Variants in DGKD observed in about 807,000 individuals in gnomAD.
DGKD encodes DAG kinase delta.
A neutral mutation model predicts 154.4 loss-of-function variants in DGKD; 68 were observed. That is an observed-to-expected ratio of 0.44 (90% CI 0.36 to 0.54). The LOEUF (loss-of-function observed/expected upper bound fraction) is 0.54, where lower values mean the gene tolerates loss of function less well. Among genes scored for constraint, DGKD ranks in the 20% least tolerant of loss-of-function variants. The probability of loss-of-function intolerance (pLI) is 0.00; values close to 1 mark genes in which losing one functional copy is unlikely to be tolerated. For synonymous variants in DGKD, 693 were observed against 638.0 expected, an observed-to-expected ratio of 1.09 and a Z score of -1.30; for missense variants, 1,343 against 1,593.6, an observed-to-expected ratio of 0.84 and a Z score of 2.68.
chr2:233,393,256 G>C (rs1230095715), intron 3 of DGKD, among the ~76,000 whole-genome samples: 2 of 151,222 alleles, frequency 1.3e-5, no homozygotes, highest in Non-Finnish European at 2.9e-5. Context: ...TCAAACTCCT[G>C]ACCTTGAGTG....
Position 233,388,274 on chromosome 2 carries a change from G to T in DGKD, c.174G>T (p.Gly58=). 6.2e-7 allele frequency: 1 copy of T among 1,613,786 alleles called. No homozygotes were observed. The highest frequency in any genetic ancestry group is 8.5e-7 in the Non-Finnish European group (1 of 1,179,924). ...ACTTTCAGACCATCATCAAAGAGGG[G>T]ATGCTGACCAAACAGAACAATTCAT... is the stretch of plus-strand genomic sequence containing the variant. ...QIRQKTIIKE[G]MLTKQNNSFQ... The change falls in exon 2 of 30, where the codon GGG becomes GGT. Residue 58 remains glycine (G), a synonymous_variant. Coordinates refer to ENST00000264057, the MANE Select transcript of DGKD (RefSeq NM_152879.3).
chr2:233,416,946 C>T lies in DGKD; in HGVS notation c.349-17434C>T, dbSNP rs1194067399. 4.6e-5 allele frequency among the ~76,000 whole-genome samples: 7 copies of T among 152,384 alleles called. No homozygotes were observed. In the South Asian group the frequency reaches 1.2e-3, roughly 27 times the overall value. ...CCTGGACATGAAGCTTCTGGTCTTA[C>T]TTCTCCCACCTTCCTGCTACGGTGT... is the stretch of plus-strand genomic sequence containing the variant. On this transcript the variant is annotated intron_variant, in intron 3 of 29. Transcript: ENST00000264057.
At chr2:233,389,229 T>C (rs1703412647) in intron 2 of DGKD, among the ~76,000 whole-genome samples, 3 of 152,246 alleles carry the variant, frequency 2.0e-5, no homozygotes, top group Non-Finnish European at 4.4e-5. Flanking sequence ...TTTTTAGGCT[T>C]TCTAGCAATT....
rs1703312386 is a variant in DGKD at position 233,388,174 on chromosome 2, G to T, written c.157-83G>T. On this transcript the variant is annotated intron_variant, in intron 1 of 29. Coordinates refer to ENST00000264057, the MANE Select transcript of DGKD (RefSeq NM_152879.3). ...CTGTTAGAGACACGAATATGTTTCAGCCGCAACAGGCTGCGTTTCAGCCGG... is the reference window on the plus strand; with the variant it reads ...CTGTTAGAGACACGAATATGTTTCATCCGCAACAGGCTGCGTTTCAGCCGG... 14 of 1,568,136 alleles carry T rather than the reference G, an allele frequency of 8.9e-6. No individual in the cohort carries two copies. The South Asian group carries it at 1.3e-4, about 15-fold the overall frequency.
intron 19 of DGKD, among the ~76,000 whole-genome samples, chr2:233,456,307 C>T (rs1374661743): frequency 6.6e-6 from 1 of 152,216 alleles, no homozygotes; most frequent in Non-Finnish European, 1.5e-5. Flanking sequence ...CTGAGGATGG[C>T]CACATCTGCA....
rs56301429 is a variant in DGKD at position 233,370,570 on chromosome 2, C to CTTTTTTT, written c.156+15909_156+15915dup. Among the ~76,000 whole-genome samples the CTTTTTTT allele has an allele frequency of 8.9e-4, 110 of 123,246 alleles. 1 individual carries two copies. The highest frequency in any genetic ancestry group is 2.3e-3 in the East Asian group (10 of 4,280). 80.9% of individuals were successfully genotyped at this position (123,246 alleles called of 152,430 possible). A position where few individuals can be genotyped will look rare whatever the true frequency, so the allele number is the denominator to read the frequency against. ...TACGTTGTACGTTTCAGAACTTCTT[C>CTTTTTTT]TTTTTTTTTTTTTTTTTTTGTTTGA... On this transcript the variant is annotated intron_variant, in intron 1 of 29. Coordinates refer to ENST00000264057, the MANE Select transcript of DGKD (RefSeq NM_152879.3).
chr2:233,435,793 G>C, intron 5 of DGKD, 25 bp from the exon 6 acceptor site: 1 of 1,603,660 alleles, frequency 6.2e-7, no homozygotes, highest in Non-Finnish European at 8.5e-7. Flanking sequence ...ACAGCTTGTA[G>C]GCTCATGTGC....
chr2:233,426,721 G>C (rs1023708318), intron 3 of DGKD, among the ~76,000 whole-genome samples: 7 of 152,174 alleles, frequency 4.6e-5, no homozygotes, highest in African/African-American at 1.2e-4. Context: ...CTTTGATGAG[G>C]AAGGTATGCG....
chr2:233,464,987 G>A (rs1267650434), intron 27 of DGKD, among the ~76,000 whole-genome samples: 2 of 152,256 alleles, frequency 1.3e-5, no homozygotes, highest in Non-Finnish European at 2.9e-5. Context: ...AGTGGGGTTT[G>A]TGAGACCTGT....
At chr2:233,433,419 C>T (rs1559541332) in intron 3 of DGKD, among the ~76,000 whole-genome samples, 1 of 150,992 alleles carries the variant, frequency 6.6e-6, no homozygotes, top group Non-Finnish European at 1.5e-5. Flanking sequence ...TGGAGATAGG[C>T]AGTAGATTGA....
chr2:233,410,268 G>A (rs370890956), intron 3 of DGKD, among the ~76,000 whole-genome samples: 1 of 152,122 alleles, frequency 6.6e-6, no homozygotes, highest in Non-Finnish European at 1.5e-5. Context: ...AAAGAGGGGG[G>A]GCTCAAGGGA....
At chr2:233,448,952 C>T in intron 14 of DGKD, 151 bp from the exon 15 acceptor site, 3 of 1,003,376 alleles carry the variant, frequency 3.0e-6, no homozygotes, top group East Asian at 2.5e-5. Context: ...AAGGGAGTAG[C>T]CTCTGGTCTT....
intron 1 of DGKD, among the ~76,000 whole-genome samples, chr2:233,361,680 G>C (rs1220315816): frequency 6.6e-6 from 1 of 152,240 alleles, no homozygotes; most frequent in African/African-American, 2.4e-5. Flanking sequence ...TGGCCAGATG[G>C]CTCACGCCTA....
intron 10 of DGKD, chr2:233,442,515 T>G (rs2062930913): frequency 3.6e-6 from 1 of 277,090 alleles, no homozygotes; most frequent in African/African-American, 2.2e-5. Flanking sequence ...AACATTTTGC[T>G]GTCTCTGACC....
chr2:233,379,015 T>C (rs951946475), intron 1 of DGKD, among the ~76,000 whole-genome samples: 2 of 152,206 alleles, frequency 1.3e-5, no homozygotes, highest in African/African-American at 2.4e-5. Flanking sequence ...TGGTTGGCAG[T>C]GTGAGAACCT....
rs930227958 is a variant in DGKD, at chr2:233,471,793, G to C, written c.*2333G>C. On this transcript the variant is annotated 3_prime_UTR_variant, in exon 30 of 30. Coordinates refer to ENST00000264057, the MANE Select transcript of DGKD (RefSeq NM_152879.3). ...CCCTTTGGTGCTGGGCTGGCGTCCC[G>C]CACTGGGGTGTCCTCGCTGTCTGGG... is the stretch of plus-strand genomic sequence containing the variant. 6.6e-6 allele frequency: 1 copy of C among 152,412 alleles called. No individual in the cohort carries two copies. Among genetic ancestry groups the C allele is most frequent in the African/African-American group, 2.4e-5 (1 of 41,456 alleles). The allele number at this position is 152,412 out of a possible 1,614,324, so 9.4% of individuals were successfully genotyped here. A position where few individuals can be genotyped will look rare whatever the true frequency, so the allele number is the denominator to read the frequency against.
chr2:233,460,416 C>A lies in DGKD; in HGVS notation c.2981+71C>A, dbSNP rs1030574330. ...CCCTGGGACTGCACTCTTCCAAGGC[C>A]CCTGGGGCGTGGAGCTGCTGCTCCT... On this transcript the variant is annotated intron_variant, in intron 24 of 29. Coordinates refer to ENST00000264057, the MANE Select transcript of DGKD (RefSeq NM_152879.3). 3.8e-5 allele frequency: 59 copies of A among 1,565,338 alleles called. 1 individual carries two copies. In the South Asian group the frequency reaches 6.9e-4, roughly 18 times the overall value.
At chr2:233,395,623 C>T (rs1165321451) in intron 3 of DGKD, among the ~76,000 whole-genome samples, 1 of 147,916 alleles carries the variant, frequency 6.8e-6, no homozygotes, top group East Asian at 2.0e-4. Context: ...CTCCCCTCCC[C>T]GCTTCTCTCT....
Position 233,438,517 on chromosome 2 carries a change from C to T in DGKD, c.1085+138C>T, listed in dbSNP as rs545985782. ...GTTGAACTGCTTCCTTCCCAAATTG[C>T]ACTTGCAGAGGTGCCCACTCTTAAT... On this transcript the variant is annotated intron_variant, in intron 9 of 29. Transcript: ENST00000264057. The surrounding 1 kb of genome is among the most constrained non-coding windows in gnomAD (Gnocchi z 4.1). The T allele has an allele frequency of 5.5e-4, 614 of 1,122,760 alleles. No individual in the cohort carries two copies. Among genetic ancestry groups the T allele is most frequent in the Non-Finnish European group, 7.2e-4 (577 of 805,772 alleles). The allele number at this position is 1,122,760 out of a possible 1,614,324, so 69.5% of individuals were successfully genotyped here.
Sources: allele counts gnomAD v4.1 joint callset (sites outside exome capture counted in the v4.1 genomes callset), GRCh38; gene constraint gnomAD v4.1.1; non-coding constraint Gnocchi (gnomAD v3.1); transcripts MANE v1.5; gene names NCBI Gene and HGNC (gene_info 2026-07-23, HGNC 2026-07-21).